The following IMMP2L variants were observed in gnomAD, a reference collection of about 807,000 sequenced individuals.
The protein encoded by IMMP2L is inner mitochondrial membrane peptidase subunit 2, also known as mitochondrial inner membrane protease subunit 2.
In IMMP2L, 18 loss-of-function variants were observed where a neutral mutation model predicts 19.3. That is an observed-to-expected ratio of 0.93 (90% CI 0.64 to 1.38). The LOEUF (loss-of-function observed/expected upper bound fraction) is 1.38, where lower values mean the gene tolerates loss of function less well. Ranked by LOEUF, IMMP2L falls within the 40% of genes most tolerant of loss-of-function variation. IMMP2L has a pLI of 0.00. For missense variants in IMMP2L, 233 were observed against 218.2 expected, an observed-to-expected ratio of 1.07 and a Z score of -0.43; for synonymous variants, 76 against 73.0, an observed-to-expected ratio of 1.04 and a Z score of -0.21.
chr7:111,349,699 G>A (rs562103423), intron 3 of IMMP2L, among the ~76,000 whole-genome samples: 3 of 152,144 alleles, frequency 2.0e-5, no homozygotes, highest in East Asian at 3.9e-4. Context: ...AGAGACAAGA[G>A]CTAGATAAAA....
chr7:111,120,738 T>G (rs991823407), intron 3 of IMMP2L, among the ~76,000 whole-genome samples: 1 of 152,160 alleles, frequency 6.6e-6, no homozygotes, highest in African/African-American at 2.4e-5. Context: ...AGTCACTTTA[T>G]GCAAAGGAGA....
intron 5 of IMMP2L, among the ~76,000 whole-genome samples, chr7:110,685,336 A>C (rs1793037360): frequency 6.6e-6 from 1 of 152,174 alleles, no homozygotes; most frequent in Non-Finnish European, 1.5e-5. Flanking sequence ...TGGGAATAAC[A>C]ATATCAACTC....
intron 5 of IMMP2L, among the ~76,000 whole-genome samples, chr7:110,812,713 C>G (rs945876692): frequency 3.3e-5 from 5 of 151,902 alleles, no homozygotes; most frequent in African/African-American, 1.2e-4. Context: ...GAAGGGAAAA[C>G]TTGTTTCAAA....
chr7:111,315,022 A>G (rs986063873), intron 3 of IMMP2L, among the ~76,000 whole-genome samples: 1 of 152,172 alleles, frequency 6.6e-6, no homozygotes, highest in East Asian at 1.9e-4. Flanking sequence ...AATATTTTAA[A>G]AGTATACGTG....
At chr7:110,749,665 A>G (rs189136276) in intron 5 of IMMP2L, among the ~76,000 whole-genome samples, 155 of 152,294 alleles carry the variant, frequency 1.0e-3, no homozygotes, top group Non-Finnish European at 1.7e-3. Context: ...CCAAACTTGC[A>G]TGTTCTCACT....
chr7:111,117,227 C>T (rs908016025), intron 3 of IMMP2L, among the ~76,000 whole-genome samples: 1 of 152,044 alleles, frequency 6.6e-6, no homozygotes, highest in African/African-American at 2.4e-5. Flanking sequence ...TGAGTTTACA[C>T]ACATTCAATT....
intron 3 of IMMP2L, among the ~76,000 whole-genome samples, chr7:111,290,039 C>T (rs1186392397): frequency 1.3e-5 from 2 of 152,126 alleles, no homozygotes; most frequent in African/African-American, 4.8e-5. Flanking sequence ...ATTCTTATTG[C>T]AAATTTCAAA....
intron 2 of IMMP2L, among the ~76,000 whole-genome samples, chr7:111,517,004 C>A (rs556587783): frequency 6.6e-6 from 1 of 152,200 alleles, no homozygotes; most frequent in East Asian, 1.9e-4. Context: ...GTATATAAAT[C>A]ACAATGTATC....
In IMMP2L at chr7:110,977,699, T is replaced by TTC. The variant is rs1048833510; in HGVS notation, c.240-14136_240-14135dup. Among the ~76,000 whole-genome samples, 2 of 151,244 alleles carry TTC rather than the reference T, an allele frequency of 1.3e-5. 1 individual carries two copies. The highest frequency in any genetic ancestry group is 4.2e-4 in the South Asian group (2 of 4,804). On this transcript the variant is annotated intron_variant, in intron 3 of 5. Transcript: ENST00000405709. ...TCCCTCCCTCCCTCCTTTTCTTCCT[T>TTC]TCTCTCTCTCTCTCTTTTCCTCTTT...
At chr7:111,498,725 C>T (rs1402205546) in intron 2 of IMMP2L, among the ~76,000 whole-genome samples, 1 of 152,042 alleles carries the variant, frequency 6.6e-6, no homozygotes, top group Admixed American at 6.5e-5. Flanking sequence ...GAAGATAATA[C>T]CATGGATTTT....
intron 3 of IMMP2L, among the ~76,000 whole-genome samples, chr7:111,030,878 GTGTGTGTATA>G (rs1790703509): frequency 5.3e-5 from 1 of 18,726 alleles, no homozygotes; most frequent in East Asian, 7.9e-4. Flanking sequence ...ATGTGTGTGT[GTGTGTGTATA>G]TATATATATA....
chr7:111,211,732 G>A (rs1002942012), intron 3 of IMMP2L, among the ~76,000 whole-genome samples: 5 of 152,280 alleles, frequency 3.3e-5, no homozygotes, highest in East Asian at 1.9e-4. Flanking sequence ...AATCCTGGCC[G>A]GGAGCAGTGG....
intron 3 of IMMP2L, among the ~76,000 whole-genome samples, chr7:111,067,138 T>C (rs1794581924): frequency 6.6e-6 from 1 of 152,212 alleles, no homozygotes; most frequent in African/African-American, 2.4e-5. Context: ...GTTTGTATCC[T>C]TTCCCTATCA....
chr7:111,381,389 A>C (rs1831190929), intron 3 of IMMP2L, among the ~76,000 whole-genome samples: 1 of 152,026 alleles, frequency 6.6e-6, no homozygotes, highest in Non-Finnish European at 1.5e-5. Context: ...TGAGCATTTG[A>C]AATGTGACCA....
At chr7:111,486,962 T>C (rs1192597921) in intron 3 of IMMP2L, among the ~76,000 whole-genome samples, 1 of 152,166 alleles carries the variant, frequency 6.6e-6, no homozygotes, top group East Asian at 1.9e-4. Flanking sequence ...TCCAAAGTAG[T>C]ACCAAATGCA....
At chr7:110,721,661 T>C (rs571609456) in intron 5 of IMMP2L, among the ~76,000 whole-genome samples, 1 of 152,240 alleles carries the variant, frequency 6.6e-6, no homozygotes, top group East Asian at 1.9e-4. Context: ...GAACTATCAG[T>C]ATAACCATTA....
chr7:110,810,633 T>G (rs990281860), intron 5 of IMMP2L, among the ~76,000 whole-genome samples: 1 of 152,052 alleles, frequency 6.6e-6, no homozygotes, highest in African/African-American at 2.4e-5. Flanking sequence ...AACTCCCACA[T>G]GCTTAGAGTT....
chr7:110,682,481 G>C (rs1206324523), intron 5 of IMMP2L, among the ~76,000 whole-genome samples: 1 of 152,108 alleles, frequency 6.6e-6, no homozygotes, highest in African/African-American at 2.4e-5. Context: ...CAGTTGATTA[G>C]ATGAATAAAT....
intron 3 of IMMP2L, among the ~76,000 whole-genome samples, chr7:111,003,064 C>T (rs1428389773): frequency 6.6e-6 from 1 of 152,090 alleles, no homozygotes; most frequent in Non-Finnish European, 1.5e-5. Flanking sequence ...GCCATGAATA[C>T]CATTTGAGAG....
Sources: allele counts gnomAD v4.1 joint callset (sites outside exome capture counted in the v4.1 genomes callset), GRCh38; gene constraint gnomAD v4.1.1; transcripts MANE v1.5; gene names NCBI Gene and HGNC (gene_info 2026-07-23, HGNC 2026-07-21).